The following CLNS1A variants were observed in gnomAD, a reference collection of about 807,000 sequenced individuals.
CLNS1A encodes the protein methylosome subunit pICln.
Under a neutral mutation model 29.4 loss-of-function variants are expected in CLNS1A, and 16 were observed. That is an observed-to-expected ratio of 0.54 (90% confidence interval 0.37 to 0.83). The LOEUF is 0.83. Among genes scored for constraint, CLNS1A ranks in the 40% least tolerant of loss-of-function variants. The pLI is 0.00. For missense variants in CLNS1A, 235 were observed against 287.4 expected (o/e 0.82, Z 1.32); for synonymous variants, 96 against 104.8 (o/e 0.92, Z 0.51).
At chr11:77,628,695 T>C (rs1959044949) in intron 2 of CLNS1A, among the ~76,000 whole-genome samples, 1 of 152,218 alleles carries the variant, frequency 6.6e-6, no homozygotes. Flanking sequence ...GAAAGAGCAA[T>C]AGCCTTGTAG....
chr11:77,634,639 G>A (rs192408265), intron 1 of CLNS1A, among the ~76,000 whole-genome samples: 305 of 148,448 alleles, frequency 2.1e-3, no homozygotes, highest in African/African-American at 7.0e-3. Context: ...CAGGAGAATC[G>A]CTTAAACCCG....
In CLNS1A at chr11:77,614,962, A is replaced by G. The variant is rs977277874; in HGVS notation, c.*1756T>C. On this transcript the variant is annotated 3_prime_UTR_variant, in exon 7 of 7. Transcript: ENST00000525428. ...AACTATCTAGTGAATGTTACAGCTC[A>G]ATCTTTGAAAGTCACTTAGTCTAAT... 6.6e-6 allele frequency: 1 copy of G among 152,178 alleles called. No homozygotes were observed. Among genetic ancestry groups the G allele is most frequent in the African/African-American group, 2.4e-5 (1 of 41,434 alleles). The allele number at this position is 152,178 out of a possible 1,614,324, so 9.4% of individuals were successfully genotyped here.
chr11:77,629,716 T>C lies in CLNS1A; in HGVS notation c.262+47A>G, dbSNP rs1279898999. ...GCCTCAAAGACTCTTTTTTAAAATA[T>C]AATTTGCTATCAAAGGAGGCATTAG... On this transcript the variant is annotated intron_variant, in intron 2 of 6. Coordinates refer to ENST00000525428, the MANE Select transcript of CLNS1A (RefSeq NM_001293.3). 10 of 1,587,654 alleles carry C rather than the reference T, an allele frequency of 6.3e-6. No individual in the cohort carries two copies. The South Asian group carries it at 7.8e-5, about 12-fold the overall frequency.
intron 4 of CLNS1A, among the ~76,000 whole-genome samples, chr11:77,624,586 G>A (rs1334349220): frequency 6.6e-6 from 1 of 152,104 alleles, no homozygotes; most frequent in Non-Finnish European, 1.5e-5. Context: ...TTGGGAGGCC[G>A]AGGCAGGCGG....
rs1156695516 is a variant in CLNS1A, at chr11:77,615,049, T to C, written c.*1669A>G. ...GTCTCCTGCCTTTTTGCATATTGCA[T>C]TGACCACAGCAACACCAACAAGAAA... On this transcript the variant is annotated 3_prime_UTR_variant, in exon 7 of 7. Transcript: ENST00000525428. The C allele has an allele frequency of 6.6e-6, 1 of 152,228 alleles. No homozygotes were observed. Among genetic ancestry groups the C allele is most frequent in the African/African-American group, 2.4e-5 (1 of 41,462 alleles). 9.4% of individuals were successfully genotyped at this position (152,228 alleles called of 1,614,324 possible).
At chr11:77,629,951 A>G (rs1396864104) in intron 1 of CLNS1A, 52 bp from the exon 2 acceptor site, 1 of 1,561,564 alleles carries the variant, frequency 6.4e-7, no homozygotes, top group Non-Finnish European at 8.8e-7. Context: ...TCCTCATGTA[A>G]GACCACAAAG....
intron 4 of CLNS1A, among the ~76,000 whole-genome samples, chr11:77,623,276 A>T (rs1958981541): frequency 6.6e-6 from 1 of 152,114 alleles, no homozygotes; most frequent in African/African-American, 2.4e-5. Flanking sequence ...TTTTCTGATT[A>T]AAAAACATGC....
intron 3 of CLNS1A, chr11:77,625,340 G>T (rs1959005638): frequency 1.2e-5 from 6 of 484,912 alleles, no homozygotes; most frequent in Admixed American, 3.9e-5. Flanking sequence ...CAGGGTGAAG[G>T]GTGAAGACTG....
intron 1 of CLNS1A, among the ~76,000 whole-genome samples, chr11:77,632,798 T>C (rs751197686): frequency 2.0e-5 from 3 of 152,116 alleles, no homozygotes; most frequent in Non-Finnish European, 4.4e-5. Context: ...AGATTTGACA[T>C]TATAAGCCGA....
intron 2 of CLNS1A, among the ~76,000 whole-genome samples, chr11:77,626,638 C>CA (rs1224535034): frequency 0.014 from 1,886 of 133,360 alleles, 32 homozygotes; most frequent in African/African-American, 0.046. Flanking sequence ...GACTCCATCA[C>CA]AAAAAAAAAA....
At chr11:77,631,052 C>A (rs76276974) in intron 1 of CLNS1A, among the ~76,000 whole-genome samples, 2,044 of 152,280 alleles carry the variant, frequency 0.013, 47 homozygotes, top group African/African-American at 0.048. Flanking sequence ...ACAAGCCTGG[C>A]TGTCTAATTT....
chr11:77,624,058 T>A (rs910478384), intron 4 of CLNS1A, among the ~76,000 whole-genome samples: 9 of 151,916 alleles, frequency 5.9e-5, no homozygotes, highest in Non-Finnish European at 1.3e-4. Context: ...GGCCCAGGAG[T>A]TGGAGACCAG....
intron 1 of CLNS1A, among the ~76,000 whole-genome samples, chr11:77,637,023 T>G (rs902828745): frequency 6.6e-6 from 1 of 151,050 alleles, no homozygotes; most frequent in African/African-American, 2.4e-5. Context: ...CTGTGTCGAG[T>G]TAAGGGTGTT....
intron 4 of CLNS1A, among the ~76,000 whole-genome samples, chr11:77,624,354 C>T (rs1958993542): frequency 6.6e-6 from 1 of 152,184 alleles, no homozygotes; most frequent in Admixed American, 6.5e-5. Context: ...GCAGCTGCCT[C>T]AGCTTAAAAG....
chr11:77,629,720 T>C, intron 2 of CLNS1A, 43 bp downstream of exon 2: 1 of 1,590,212 alleles, frequency 6.3e-7, no homozygotes, highest in Non-Finnish European at 8.6e-7. Flanking sequence ...AAAATATAAT[T>C]TGCTATCAAA....
intron 3 of CLNS1A, 67 bp downstream of exon 3, chr11:77,625,650 T>A: frequency 7.5e-7 from 1 of 1,325,290 alleles, no homozygotes; most frequent in Non-Finnish European, 1.1e-6. Context: ...TGTGTGTATG[T>A]GTGTGTGTGT....
In CLNS1A at chr11:77,624,945, A is replaced by T; in HGVS notation, c.472+18T>A. On this transcript the variant is annotated intron_variant, in intron 4 of 6. Transcript: ENST00000525428. ...ACTAAACAAACAAAAAACCCACTTTAAAATCCATTTCACTAACCATGTGCT... is the reference window on the plus strand; with the variant it reads ...ACTAAACAAACAAAAAACCCACTTTTAAATCCATTTCACTAACCATGTGCT... 6.5e-7 allele frequency: 1 copy of T among 1,540,578 alleles called. No homozygotes were observed. Among genetic ancestry groups the T allele is most frequent in the Non-Finnish European group, 9.0e-7 (1 of 1,117,218 alleles).
chr11:77,637,299 AAGAG>A (rs1381523241), intron 1 of CLNS1A, among the ~76,000 whole-genome samples: 1 of 147,624 alleles, frequency 6.8e-6, no homozygotes, highest in African/African-American at 2.5e-5. Flanking sequence ...AGAAGAAAGA[AAGAG>A]AGAAAGAGAC....
At chr11:77,629,954 C>A (rs958505675) in intron 1 of CLNS1A, 55 bp from the exon 2 acceptor site, 3 of 1,547,174 alleles carry the variant, frequency 1.9e-6, no homozygotes, top group African/African-American at 2.7e-5. Flanking sequence ...TCATGTAAGA[C>A]CACAAAGTAT....
Sources: gnomAD v4.1 joint callset for allele counts (sites outside exome capture counted in the v4.1 genomes callset) on GRCh38, gnomAD v4.1.1 for gene constraint, MANE v1.5 for transcripts, NCBI Gene and HGNC (gene_info 2026-07-23, HGNC 2026-07-21) for gene names.